The following ZCCHC9 variants were observed in gnomAD, a reference collection of about 807,000 sequenced individuals.
ZCCHC9 encodes the protein zinc finger CCHC-type containing 9.
ZCCHC9 carries 18 observed loss-of-function variants against 30.8 expected under a neutral mutation model. That is an observed-to-expected ratio of 0.58 (90% CI 0.40 to 0.87). ZCCHC9 has a LOEUF of 0.87. ZCCHC9 is among the 40% of genes least tolerant of loss of function. The probability of loss-of-function intolerance (pLI) is 0.00; values close to 1 mark genes in which losing one functional copy is unlikely to be tolerated. For missense variants in ZCCHC9, 279 were observed against 331.2 expected, an observed-to-expected ratio of 0.84 and a Z score of 1.22; for synonymous variants, 94 against 106.7, an observed-to-expected ratio of 0.88 and a Z score of 0.73.
chr5:81,303,827 A>C (rs752883232), intron 1 of ZCCHC9: 6 of 152,164 alleles, frequency 3.9e-5, no homozygotes, highest in Non-Finnish European at 8.8e-5. Context: ...TGTTGACCTA[A>C]ATGTTATGTA....
chr5:81,301,877 T>G (rs1363193157), intron 1 of ZCCHC9, 179 bp downstream of exon 1: 1 of 152,460 alleles, frequency 6.6e-6, no homozygotes, highest in Non-Finnish European at 1.5e-5. Flanking sequence ...CTGGGGGCTG[T>G]GCGTCCAGCC....
intron 2 of ZCCHC9, among the ~76,000 whole-genome samples, chr5:81,305,561 G>A (rs1297641425): frequency 1.3e-5 from 2 of 148,198 alleles, no homozygotes; most frequent in South Asian, 2.1e-4. Context: ...AATTAAAGAC[G>A]AGCCAGGGCC....
intron 5 of ZCCHC9, 84 bp downstream of exon 5, chr5:81,311,363 T>C: frequency 7.4e-6 from 10 of 1,357,804 alleles, no homozygotes; most frequent in East Asian, 2.3e-5. Flanking sequence ...AATAACTCAA[T>C]TGGGATACTA....
Position 81,305,189 on chromosome 5 carries a change from C to T in ZCCHC9, c.384+48C>T, listed in dbSNP as rs1305644453. On this transcript the variant is annotated intron_variant, in intron 2 of 5. Transcript: ENST00000407610. ...GTTATTTACTTTATTTAGCTGGAAA[C>T]TATTCTTATATTCACACACATATAT... 3.3e-6 allele frequency: 5 copies of T among 1,537,732 alleles called. No homozygotes were observed. In the East Asian group the frequency reaches 9.0e-5, roughly 28 times the overall value.
In ZCCHC9 at chr5:81,310,478, A is replaced by G. The variant is rs548080721; in HGVS notation, c.629-733A>G. Among the ~76,000 whole-genome samples the G allele has an allele frequency of 1.9e-3, 284 of 148,708 alleles. 2 individuals carry two copies. The highest frequency in any genetic ancestry group is 8.1e-4 in the Admixed American group (12 of 14,882). Reference sequence around the variant, plus strand: ...TAAAAATAAAGTCAAGATTTGGGGGAAAAAAAAAAGAAAATTCAGCCAGAT... The same window carrying G: ...TAAAAATAAAGTCAAGATTTGGGGGGAAAAAAAAAGAAAATTCAGCCAGAT... On this transcript the variant is annotated intron_variant, in intron 4 of 5. Coordinates refer to ENST00000407610, the MANE Select transcript of ZCCHC9 (RefSeq NM_001131035.2).
chr5:81,308,024 T>A (rs1347073239), intron 2 of ZCCHC9, among the ~76,000 whole-genome samples: 3 of 108,146 alleles, frequency 2.8e-5, no homozygotes, highest in African/African-American at 3.6e-5. Context: ...AAAAAAAAAA[T>A]CTATCTATCT....
At chr5:81,305,470 G>A (rs1007591016) in intron 2 of ZCCHC9, among the ~76,000 whole-genome samples, 2 of 151,976 alleles carry the variant, frequency 1.3e-5, no homozygotes, top group African/African-American at 2.4e-5. Context: ...CAAAACCTAC[G>A]TTATAGACCA....
In ZCCHC9 at chr5:81,308,999, A is replaced by G. The variant is rs1397012059; in HGVS notation, c.589A>G (p.Arg197Gly). ...FVCGEMGHLS[R>G]SCPDNPKGLY... ...TTGTGGAGAAATGGGGCACCTGTCTAGATCTTGTCCTGATAATCCCAAAGG... is the reference window on the plus strand; with the variant it reads ...TTGTGGAGAAATGGGGCACCTGTCTGGATCTTGTCCTGATAATCCCAAAGG... Residue 197 changes from arginine to glycine, a missense_variant, in exon 4 of 6, where the codon AGA becomes GGA. By Grantham distance (125) the Arg-to-Gly change is moderately radical. Transcript: ENST00000407610. 6.2e-7 allele frequency: 1 copy of G among 1,613,298 alleles called. No individual in the cohort carries two copies. Among genetic ancestry groups the G allele is most frequent in the Admixed American group, 1.7e-5 (1 of 59,846 alleles).
chr5:81,308,496 A>G, intron 2 of ZCCHC9, 65 bp from the exon 3 acceptor site: 1 of 1,441,988 alleles, frequency 6.9e-7, no homozygotes, highest in Non-Finnish European at 9.2e-7. Context: ...TGTTTTTGAT[A>G]ACAAGAATTA....
chr5:81,302,897 G>C (rs1015089048), intron 1 of ZCCHC9: 7 of 151,744 alleles, frequency 4.6e-5, no homozygotes, highest in Non-Finnish European at 7.4e-5. Flanking sequence ...TTATAAATGC[G>C]GTATGCTTAG....
At chr5:81,304,662 T>G in intron 1 of ZCCHC9, 79 bp from the exon 2 acceptor site, 1 of 1,283,166 alleles carries the variant, frequency 7.8e-7, no homozygotes, top group Non-Finnish European at 1.1e-6. Context: ...TGACATATAG[T>G]GATATAGCAT....
At chr5:81,304,541 T>A in intron 1 of ZCCHC9, 200 bp from the exon 2 acceptor site, 1 of 399,722 alleles carries the variant, frequency 2.5e-6, no homozygotes, top group African/African-American at 2.1e-5. Context: ...AGTGGTAGAT[T>A]TATGTTAGAA....
At chr5:81,305,756 T>C (rs1422589751) in intron 2 of ZCCHC9, among the ~76,000 whole-genome samples, 3 of 152,126 alleles carry the variant, frequency 2.0e-5, no homozygotes, top group Non-Finnish European at 4.4e-5. Context: ...CGAGAGTTCG[T>C]CCTCCAAAAA....
intron 5 of ZCCHC9, 70 bp from the exon 6 acceptor site, chr5:81,312,474 C>A: frequency 8.0e-7 from 1 of 1,245,482 alleles, no homozygotes; most frequent in South Asian, 1.3e-5. Flanking sequence ...TTTCCCAAAC[C>A]AATAACAATC....
intron 2 of ZCCHC9, 41 bp from the exon 3 acceptor site, chr5:81,308,520 T>C: frequency 2.6e-6 from 4 of 1,553,720 alleles, no homozygotes; most frequent in Non-Finnish European, 3.5e-6. Flanking sequence ...AAGTCACTGG[T>C]ATAGTTTTGC....
At chr5:81,301,876 G>C (rs1370328594) in intron 1 of ZCCHC9, 178 bp downstream of exon 1, 1 of 152,490 alleles carries the variant, frequency 6.6e-6, no homozygotes, top group Non-Finnish European at 1.5e-5. Context: ...GCTGGGGGCT[G>C]TGCGTCCAGC....
intron 2 of ZCCHC9, among the ~76,000 whole-genome samples, chr5:81,306,553 G>A (rs1367227638): frequency 2.0e-5 from 3 of 152,140 alleles, no homozygotes; most frequent in Non-Finnish European, 4.4e-5. Context: ...CATTATGTTT[G>A]TAATTAAGTG....
chr5:81,308,814 AT>A (rs1291065800), intron 3 of ZCCHC9, 103 bp downstream of exon 3: 1 of 1,459,614 alleles, frequency 6.9e-7, no homozygotes, highest in Admixed American at 2.4e-5. Context: ...GCCACTTAGT[AT>A]TTGGAAATCA....
rs896955643 is a variant in ZCCHC9 at position 81,304,985 on chromosome 5, G to A, written c.228G>A (p.Met76Ile). Residue 76 changes from methionine to isoleucine, a missense_variant, in exon 2 of 6, where the codon ATG becomes ATA. Transcript: ENST00000407610. ...EYLNEDVNGF[M>I]EYLRQNSQMV... ...TAAATGAAGATGTGAATGGATTCATGGAATACCTAAGACAGAATTCACAGA... is the reference window on the plus strand; with the variant it reads ...TAAATGAAGATGTGAATGGATTCATAGAATACCTAAGACAGAATTCACAGA... The A allele has an allele frequency of 1.2e-6, 2 of 1,614,108 alleles. No individual in the cohort carries two copies. Among genetic ancestry groups the A allele is most frequent in the Admixed American group, 3.3e-5 (2 of 60,032 alleles).
Sources: gnomAD v4.1 joint callset for allele counts (sites outside exome capture counted in the v4.1 genomes callset) on GRCh38, gnomAD v4.1.1 for gene constraint, MANE v1.5 for transcripts, NCBI Gene and HGNC (gene_info 2026-07-23, HGNC 2026-07-21) for gene names.